Variants in KLK4 observed in about 807,000 individuals in gnomAD.
The protein encoded by KLK4 is kallikrein-4.
KLK4 carries 24 observed loss-of-function variants against 24.3 expected under a neutral mutation model. The observed-to-expected ratio is 0.99, with a 90% CI of 0.72 to 1.39. The LOEUF (loss-of-function observed/expected upper bound fraction) is 1.39. Among genes scored for constraint, KLK4 ranks in the 40% most tolerant of loss-of-function variants. The pLI, the probability that KLK4 is intolerant of heterozygous loss-of-function variation, is 0.00. For missense variants in KLK4, 344 were observed against 327.4 expected, an observed-to-expected ratio of 1.05 and a Z score of -0.39; for synonymous variants, 142 against 138.8, an observed-to-expected ratio of 1.02 and a Z score of -0.16.
exon 6 of KLK4, chr19:50,906,833 A>T: frequency 6.9e-7 from 1 of 1,444,634 alleles, no homozygotes; most frequent in Admixed American, 1.7e-5. Flanking sequence ...GGGGGCCTGG[A>T]CTCCTGGGCC....
At chr19:50,909,738 G>A (rs1251805542) in intron 2 of KLK4, among the ~76,000 whole-genome samples, 7 of 151,910 alleles carry the variant, frequency 4.6e-5, no homozygotes. Flanking sequence ...TCAGGGGCTG[G>A]TCCAGGATAT....
In KLK4 at chr19:50,909,434, T is replaced by C. The variant is rs761371224; in HGVS notation, c.62-20A>G. On this transcript the variant is annotated intron_variant, in intron 2 of 5. Coordinates refer to ENST00000324041, the Ensembl canonical transcript of KLK4. ...GCGATCCTGAGGGCGGAGTCAGGGA[T>C]GGGATCGGGACCAGGAGGCGGGCCC... is the stretch of plus-strand genomic sequence containing the variant. 37 of 1,613,590 alleles carry C rather than the reference T, an allele frequency of 2.3e-5. 1 individual carries two copies. In the South Asian group the frequency reaches 4.0e-4, roughly 17 times the overall value.
exon 5 of KLK4, chr19:50,908,464 G>C (rs769939997): frequency 6.2e-7 from 1 of 1,614,048 alleles, no homozygotes; most frequent in Non-Finnish European, 8.5e-7. Context: ...CCACCGACAC[G>C]TTCACGCACT....
In KLK4 at chr19:50,910,278, T is replaced by C. The variant is rs1240017797; in HGVS notation, c.61+400A>G. 6.6e-6 allele frequency among the ~76,000 whole-genome samples: 1 copy of C among 151,860 alleles called. No individual in the cohort carries two copies. Among genetic ancestry groups the C allele is most frequent in the African/African-American group, 2.4e-5 (1 of 41,298 alleles). On this transcript the variant is annotated intron_variant, in intron 2 of 5. Transcript: ENST00000324041. The surrounding 1 kb of genome is among the most constrained non-coding windows in gnomAD (Gnocchi z 4.4). ...AACACCGTTTTATAGTCCTGTGAGG[T>C]GAGTTCCTTGGGGATGGGAGAGGGG...
At chr19:50,907,293 T>C (rs2090441262) in intron 5 of KLK4, among the ~76,000 whole-genome samples, 1 of 152,190 alleles carries the variant, frequency 6.6e-6, no homozygotes, top group African/African-American at 2.4e-5. Flanking sequence ...TCCTGAATGC[T>C]GGCTGCTTCT....
intron 2 of KLK4, among the ~76,000 whole-genome samples, chr19:50,909,870 C>T (rs1294702311): frequency 2.6e-5 from 4 of 151,814 alleles, no homozygotes; most frequent in African/African-American, 9.7e-5. Context: ...GGGATCAGTG[C>T]TCCTAGGGTT....
At chr19:50,909,374 G>C (rs753396506) in exon 3 of KLK4, 1 of 1,614,026 alleles carries the variant, frequency 6.2e-7, no homozygotes, top group African/African-American at 1.3e-5. Flanking sequence ...TGCAGTCCTC[G>C]CCGTTTATGA....
At chr19:50,909,373 C>G in exon 3 of KLK4, 2 of 1,614,166 alleles carry the variant, frequency 1.2e-6, no homozygotes, top group Non-Finnish European at 1.7e-6. Flanking sequence ...CTGCAGTCCT[C>G]GCCGTTTATG....
rs778515838 is a variant in KLK4 at position 50,909,277 on chromosome 19, G to A, written c.199C>T (p.Leu67=). 39 of 1,614,092 alleles carry A rather than the reference G, an allele frequency of 2.4e-5. No individual in the cohort carries two copies. The South Asian group carries it at 4.1e-4, about 17-fold the overall frequency. ...TTCTGGAAACAGTGTGCGGCTGACA[G>A]CACCCACTGCGGATGCACCAGGACG... Residue 67 remains leucine, a synonymous_variant, in exon 3 of 6, where the codon CTG becomes TTG. Transcript: ENST00000324041.
At position 50,910,434 on chromosome 19, in the gene KLK4, A is replaced by G. The variant is rs1166643440; in HGVS notation, c.61+244T>C. On this transcript the variant is annotated intron_variant, in intron 2 of 5. Coordinates refer to ENST00000324041, the Ensembl canonical transcript of KLK4. The surrounding 1 kb of genome is among the most constrained non-coding windows in gnomAD (Gnocchi z 4.4). The stretch of plus-strand genomic sequence containing the variant: ...ATCATTACACTGTTGTCACTCCACC[A>G]GATATTCAGAGGCACAAACTGTCAG... Among the ~76,000 whole-genome samples, 1 of 152,074 alleles carries G rather than the reference A, an allele frequency of 6.6e-6. No homozygotes were observed. The highest frequency in any genetic ancestry group is 1.5e-5 in the Non-Finnish European group (1 of 68,008).
intron 5 of KLK4, 133 bp from the exon 6 acceptor site, chr19:50,907,219 T>C: frequency 4.4e-6 from 4 of 901,724 alleles, no homozygotes; most frequent in East Asian, 5.2e-5. Flanking sequence ...CCCAGCAACA[T>C]ATCTGTTGGA....
exon 6 of KLK4, chr19:50,906,893 T>G (rs759839129): frequency 7.4e-6 from 12 of 1,610,788 alleles, no homozygotes; most frequent in Middle Eastern, 3.3e-4. Flanking sequence ...TTCCGCAGGA[T>G]GTATTTGGGG....
chr19:50,911,229 GA>G (rs542542720), intron 1 of KLK4, among the ~76,000 whole-genome samples, 109 bp downstream of exon 1: 60 of 152,346 alleles, frequency 3.9e-4, no homozygotes, highest in African/African-American at 1.4e-3. Context: ...TGTCTAGAGA[GA>G]TGTGGAGACA....
intron 2 of KLK4, among the ~76,000 whole-genome samples, chr19:50,909,808 T>TAGTCAGGGCTCCTGGGAGGAG (rs1411504587): frequency 2.8e-5 from 4 of 143,682 alleles, no homozygotes; most frequent in African/African-American, 5.3e-5. Flanking sequence ...GGATTCAGGG[T>TAGTCAGGGCTCCTGGGAGGAG]AGTCAGGGCT....
At chr19:50,908,753 G>T in exon 4 of KLK4, 2 of 1,614,068 alleles carry the variant, frequency 1.2e-6, no homozygotes, top group Non-Finnish European at 1.7e-6. Flanking sequence ...CGTACGGAGA[G>T]GCTGGCCTCC....
chr19:50,908,789 C>T, exon 4 of KLK4: 1 of 1,613,360 alleles, frequency 6.2e-7, no homozygotes, highest in Non-Finnish European at 8.5e-7. Context: ...GGCTCTTGGT[C>T]GGCCTCAAGA....
chr19:50,909,487 C>A, intron 2 of KLK4, 73 bp from the exon 3 acceptor site: 2 of 1,522,530 alleles, frequency 1.3e-6, no homozygotes, highest in Non-Finnish European at 1.8e-6. Flanking sequence ...GCTTACCGAG[C>A]AGGGGCGTGG....
chr19:50,908,124 C>T, intron 5 of KLK4: 1 of 592,768 alleles, frequency 1.7e-6, no homozygotes, highest in Non-Finnish European at 3.0e-6. Context: ...AGGTCAACTG[C>T]ATTTCTATGT....
Position 50,908,089 on chromosome 19 carries a change from C to T in KLK4, c.612+270G>A, listed in dbSNP as rs541984839. 1.1e-4 allele frequency: 56 copies of T among 533,236 alleles called. 1 individual carries two copies. The highest frequency in any genetic ancestry group is 1.9e-4 in the South Asian group (9 of 48,578). The allele number at this position is 533,236 out of a possible 1,614,324, so 33.0% of individuals were successfully genotyped here. A position where few individuals can be genotyped will look rare whatever the true frequency, so the allele number is the denominator to read the frequency against. On this transcript the variant is annotated intron_variant, in intron 5 of 5. Transcript: ENST00000324041. ...GGATTTTCTGTTGGGTGGAGGTCAC[C>T]GCCCTCAGGCCCCATGCTGTTGGAA...
Sources: gnomAD v4.1 joint callset for allele counts (sites outside exome capture counted in the v4.1 genomes callset) on GRCh38, gnomAD v4.1.1 for gene constraint, Gnocchi (gnomAD v3.1) non-coding constraint, MANE v1.5 for transcripts, NCBI Gene and HGNC (gene_info 2026-07-23, HGNC 2026-07-21) for gene names.